Variants in A1CF observed in about 807,000 individuals in gnomAD.
A1CF encodes APOBEC1 complementation factor.
A1CF carries 48 observed loss-of-function variants against 68.9 expected under a neutral mutation model. The observed-to-expected ratio is 0.70, with a 90% confidence interval of 0.55 to 0.89. The LOEUF (loss-of-function observed/expected upper bound fraction) is 0.89. A1CF is among the 40% of genes least tolerant of loss of function. The pLI is 0.00. For synonymous variants in A1CF, 272 were observed against 260.4 expected (o/e 1.04, Z -0.43); for missense variants, 653 against 718.9 (o/e 0.91, Z 1.05).
chr10:50,884,577 C>T (rs1300070578), intron 1 of A1CF, among the ~76,000 whole-genome samples: 1 of 152,208 alleles, frequency 6.6e-6, no homozygotes, highest in Admixed American at 6.5e-5. Flanking sequence ...TTTGATGCTC[C>T]TAAACTATAA....
chr10:50,868,883 T>G (rs982811997), intron 1 of A1CF, among the ~76,000 whole-genome samples: 2 of 152,126 alleles, frequency 1.3e-5, no homozygotes, highest in African/African-American at 4.8e-5. Context: ...CAGAGGAGGA[T>G]AACAGAAAAC....
chr10:50,857,273 G>T (rs550312267), intron 3 of A1CF, among the ~76,000 whole-genome samples: 13 of 152,190 alleles, frequency 8.5e-5, no homozygotes, highest in African/African-American at 2.6e-4. Context: ...GGGTAATTAG[G>T]ATATCCCTCA....
chr10:50,823,243 T>A (rs1838759993), intron 7 of A1CF, among the ~76,000 whole-genome samples: 1 of 152,188 alleles, frequency 6.6e-6, no homozygotes, highest in Non-Finnish European at 1.5e-5. Flanking sequence ...AAAGTTGGTT[T>A]TCTCTACAAT....
intron 4 of A1CF, among the ~76,000 whole-genome samples, chr10:50,843,199 A>C (rs1369386895): frequency 6.6e-6 from 1 of 152,142 alleles, no homozygotes; most frequent in Non-Finnish European, 1.5e-5. Flanking sequence ...AACATGTTAC[A>C]TCTCTATGTT....
At chr10:50,808,041 T>C (rs1405614771) in intron 12 of A1CF, among the ~76,000 whole-genome samples, 2 of 152,218 alleles carry the variant, frequency 1.3e-5, no homozygotes, top group African/African-American at 2.4e-5. Context: ...AACAGTTACT[T>C]TCATGGTTTT....
At position 50,803,932 on chromosome 10, in the gene A1CF, G is replaced by C. The variant is rs1331360395; in HGVS notation, c.*2797C>G. On this transcript the variant is annotated 3_prime_UTR_variant, in exon 13 of 13. Coordinates refer to ENST00000373997, the MANE Select transcript of A1CF (RefSeq NM_014576.4). ...AAAAATATAAACCTATGCAAAATTA[G>C]CCTTTGGTTCTACCAGCAATTTAAA... 1 of 152,028 alleles carries C rather than the reference G, an allele frequency of 6.6e-6. No homozygotes were observed. The highest frequency in any genetic ancestry group is 1.5e-5 in the Non-Finnish European group (1 of 67,984). The allele number at this position is 152,028 out of a possible 1,614,324, so 9.4% of individuals were successfully genotyped here. A position where few individuals can be genotyped will look rare whatever the true frequency, so the allele number is the denominator to read the frequency against.
At position 50,805,892 on chromosome 10, in the gene A1CF, A is replaced by C. The variant is rs2132295796; in HGVS notation, c.*837T>G. On this transcript the variant is annotated 3_prime_UTR_variant, in exon 13 of 13. Transcript: ENST00000373997. ...CTTTTTTATGATATTAGGTAGGAGA[A>C]AAATGAGTCTGAGATGATGAAAATC... 6.6e-6 allele frequency: 1 copy of C among 152,326 alleles called. No individual in the cohort carries two copies. Among genetic ancestry groups the C allele is most frequent in the East Asian group, 1.9e-4 (1 of 5,186 alleles). The allele number at this position is 152,326 out of a possible 1,614,324, so 9.4% of individuals were successfully genotyped here. A position where few individuals can be genotyped will look rare whatever the true frequency, so the allele number is the denominator to read the frequency against.
intron 7 of A1CF, chr10:50,824,507 G>A (rs2132374823): frequency 6.6e-6 from 1 of 152,268 alleles, no homozygotes; most frequent in Non-Finnish European, 1.5e-5. Flanking sequence ...TCAACATTCA[G>A]ATCTCAGCTT....
At chr10:50,821,867 T>C (rs1193900488) in intron 7 of A1CF, among the ~76,000 whole-genome samples, 1 of 152,132 alleles carries the variant, frequency 6.6e-6, no homozygotes, top group East Asian at 1.9e-4. Context: ...TAAAAAGTTA[T>C]AAAATAGTAA....
chr10:50,843,529 A>T (rs187879041), intron 4 of A1CF, among the ~76,000 whole-genome samples: 200 of 152,336 alleles, frequency 1.3e-3, no homozygotes, highest in Non-Finnish European at 2.5e-3. Flanking sequence ...ATTTAGGTAG[A>T]CAAAAAATTC....
chr10:50,882,894 T>G, intron 1 of A1CF, among the ~76,000 whole-genome samples: 1 of 152,232 alleles, frequency 6.6e-6, no homozygotes, highest in East Asian at 1.9e-4. Context: ...TAACATCAAC[T>G]GCCTCCATGA....
At chr10:50,829,190 G>T (rs1839117554) in intron 6 of A1CF, among the ~76,000 whole-genome samples, 1 of 152,046 alleles carries the variant, frequency 6.6e-6, no homozygotes, top group Non-Finnish European at 1.5e-5. Context: ...TCCCAGGCCT[G>T]TTCTACTTAA....
chr10:50,843,965 T>C, intron 4 of A1CF, 23 bp downstream of exon 4: 1 of 1,611,784 alleles, frequency 6.2e-7, no homozygotes, highest in Non-Finnish European at 8.5e-7. Context: ...ATAAGAAAAA[T>C]TAAATGTTAA....
At chr10:50,884,031 A>G (rs1841898090) in intron 1 of A1CF, among the ~76,000 whole-genome samples, 5 of 152,228 alleles carry the variant, frequency 3.3e-5, no homozygotes, top group Admixed American at 3.3e-4. Flanking sequence ...GCTTGTTATC[A>G]TTATTACTCA....
Position 50,811,090 on chromosome 10 carries a change from T to C in A1CF, c.1410A>G (p.Leu470=), listed in dbSNP as rs149988948. Residue 470 remains leucine, a synonymous_variant, in exon 11 of 13, where the codon CTA becomes CTG. Transcript: ENST00000373997. ...HSAIGQDQRQ[L]FLYKITIPAL... is the part of the protein sequence containing the mutation. ...CAGGAATAGTTATTTTGTACAAGAA[T>C]AGCTGTCTTTGGTCTTGTCCAATAG... The C allele has an allele frequency of 6.2e-7, 1 of 1,613,710 alleles. No homozygotes were observed. Among genetic ancestry groups the C allele is most frequent in the African/African-American group, 1.3e-5 (1 of 75,042 alleles).
intron 5 of A1CF, among the ~76,000 whole-genome samples, chr10:50,838,932 A>C (rs1839646555): frequency 6.6e-6 from 1 of 151,808 alleles, no homozygotes; most frequent in South Asian, 2.1e-4. Flanking sequence ...TCTCTTCCTA[A>C]TTTCTGTCAT....
intron 3 of A1CF, among the ~76,000 whole-genome samples, chr10:50,844,363 A>G (rs1486723542): frequency 7.0e-6 from 1 of 142,554 alleles, no homozygotes; most frequent in Admixed American, 6.8e-5. Context: ...TGCTAGGCAA[A>G]TATTTTTTTT....
intron 2 of A1CF, among the ~76,000 whole-genome samples, chr10:50,863,192 G>A (rs1055472486): frequency 6.6e-6 from 1 of 152,164 alleles, no homozygotes; most frequent in African/African-American, 2.4e-5. Flanking sequence ...TTTGTCATGA[G>A]AAACACTTAA....
chr10:50,839,413 G>C (rs1305087545), intron 5 of A1CF, among the ~76,000 whole-genome samples: 1 of 152,178 alleles, frequency 6.6e-6, no homozygotes, highest in African/African-American at 2.4e-5. Context: ...GTAGCGTTTT[G>C]TAGCCCTTTC....
Sources: allele counts gnomAD v4.1 joint callset (sites outside exome capture counted in the v4.1 genomes callset), GRCh38; gene constraint gnomAD v4.1.1; transcripts MANE v1.5; gene names NCBI Gene and HGNC (gene_info 2026-07-23, HGNC 2026-07-21).